TFPI: variants seen among roughly 807,000 people sequenced by gnomAD.
The protein encoded by TFPI is anti-convertin.
Under a neutral mutation model 34.6 loss-of-function variants are expected in TFPI, and 15 were observed. That is an observed-to-expected ratio of 0.43 (90% confidence interval 0.29 to 0.67). The LOEUF is 0.67. Ranked by LOEUF, TFPI falls within the 30% of genes least tolerant of loss-of-function variation. The pLI, the probability that TFPI is intolerant of heterozygous loss-of-function variation, is 0.15. For missense variants in TFPI, 301 were observed against 364.0 expected, an observed-to-expected ratio of 0.83 and a Z score of 1.41; for synonymous variants, 105 against 120.1, an observed-to-expected ratio of 0.87 and a Z score of 0.82.
rs1691805044 is a variant in TFPI, at chr2:187,467,937, A to G, written c.629-5T>C. ...ACCATGAGGGACCGTGAAATTCTAAAAACAATCAGGAAAACATGGTAAGCC... is the reference window on the plus strand; with the variant it reads ...ACCATGAGGGACCGTGAAATTCTAAGAACAATCAGGAAAACATGGTAAGCC... On this transcript the variant is annotated splice_polypyrimidine_tract_variant and splice_region_variant and intron_variant, in intron 6 of 7. Transcript: ENST00000233156. The G allele has an allele frequency of 1.3e-6, 2 of 1,564,326 alleles. No individual in the cohort carries two copies. The highest frequency in any genetic ancestry group is 2.7e-5 in the African/African-American group (2 of 73,304).
chr2:187,478,446 G>GA (rs1005132388), intron 6 of TFPI: 8 of 422,834 alleles, frequency 1.9e-5, no homozygotes, highest in African/African-American at 6.2e-5. Flanking sequence ...TAAAAATCAG[G>GA]AAAAAAATGA....
intron 2 of TFPI, among the ~76,000 whole-genome samples, chr2:187,498,247 C>T (rs2041778): frequency 0.54 from 81,593 of 151,518 alleles, 23,609 homozygotes; most frequent in East Asian, 0.79. Context: ...ATGATTGTCT[C>T]AAAAGAAATC....
intron 6 of TFPI, among the ~76,000 whole-genome samples, chr2:187,479,285 C>T (rs1449108986): frequency 5.3e-5 from 8 of 151,662 alleles, no homozygotes; most frequent in Non-Finnish European, 1.0e-4. Context: ...ACCACATGAT[C>T]GATGACTAGA....
At chr2:187,552,740 A>G (rs1200314160) in intron 1 of TFPI, among the ~76,000 whole-genome samples, 5 of 152,120 alleles carry the variant, frequency 3.3e-5, no homozygotes, top group African/African-American at 4.8e-5. Context: ...TGTCCAATTC[A>G]GTATACCTAA....
At chr2:187,505,375 C>A (rs1686137907) in intron 1 of TFPI, among the ~76,000 whole-genome samples, 1 of 152,062 alleles carries the variant, frequency 6.6e-6, no homozygotes, top group Non-Finnish European at 1.5e-5. Context: ...GGATTAGAAA[C>A]CAGCTCTGAC....
At chr2:187,505,875 C>T (rs1198774421) in intron 1 of TFPI, among the ~76,000 whole-genome samples, 1 of 151,898 alleles carries the variant, frequency 6.6e-6, no homozygotes, top group Non-Finnish European at 1.5e-5. Context: ...GTGTAACTCC[C>T]AGAAGGAGGA....
At chr2:187,498,642 A>G (rs1172128529) in intron 2 of TFPI, among the ~76,000 whole-genome samples, 1 of 151,918 alleles carries the variant, frequency 6.6e-6, no homozygotes, top group East Asian at 1.9e-4. Context: ...ATTTTTAAAA[A>G]TACTAGTTAA....
chr2:187,533,532 G>T (rs1046426237), intron 1 of TFPI, among the ~76,000 whole-genome samples: 9 of 152,088 alleles, frequency 5.9e-5, no homozygotes, highest in African/African-American at 1.9e-4. Flanking sequence ...TCAACAAAGA[G>T]GACATCCACA....
At chr2:187,524,579 T>G (rs535647993) in intron 1 of TFPI, among the ~76,000 whole-genome samples, 1 of 152,116 alleles carries the variant, frequency 6.6e-6, no homozygotes, top group African/African-American at 2.4e-5. Flanking sequence ...TAGAATAAAC[T>G]TTGTGAGTTA....
At chr2:187,506,095 T>G (rs971260975) in intron 1 of TFPI, among the ~76,000 whole-genome samples, 1 of 152,118 alleles carries the variant, frequency 6.6e-6, no homozygotes, top group Admixed American at 6.6e-5. Flanking sequence ...TTCTGGGTGA[T>G]AACAGATTTA....
chr2:187,542,705 A>G (rs1217192382), intron 1 of TFPI, among the ~76,000 whole-genome samples: 1 of 151,958 alleles, frequency 6.6e-6, no homozygotes, highest in Non-Finnish European at 1.5e-5. Context: ...TCTCTCTACT[A>G]AAAATACAAG....
Position 187,496,834 on chromosome 2 carries a change from C to T in TFPI, c.319+47G>A, listed in dbSNP as rs376840118. 9 of 1,526,852 alleles carry T rather than the reference C, an allele frequency of 5.9e-6. No homozygotes were observed. The African/African-American group carries it at 1.2e-4, about 21-fold the overall frequency. The allele number at this position is 1,526,852 out of a possible 1,614,324, so 94.6% of individuals were successfully genotyped here. On this transcript the variant is annotated intron_variant, in intron 3 of 7. Coordinates refer to ENST00000233156, the MANE Select transcript of TFPI (RefSeq NM_006287.6). Reference sequence around the variant, plus strand: ...AAATTATCAAATCCATAATTAGACTCAATAGCCCTAAAGGGTCTTGAGTAA... The same window carrying T: ...AAATTATCAAATCCATAATTAGACTTAATAGCCCTAAAGGGTCTTGAGTAA...
At chr2:187,483,402 G>C (rs1441357040) in intron 6 of TFPI, among the ~76,000 whole-genome samples, 1 of 151,848 alleles carries the variant, frequency 6.6e-6, no homozygotes, top group South Asian at 2.1e-4. Flanking sequence ...TTCAATATCT[G>C]AATAAGAATA....
At position 187,466,932 on chromosome 2, in the gene TFPI, A is replaced by T; in HGVS notation, c.*4T>A. 1.4e-6 allele frequency: 2 copies of T among 1,442,096 alleles called. No homozygotes were observed. The highest frequency in any genetic ancestry group is 1.9e-6 in the Non-Finnish European group (2 of 1,038,196). 89.3% of individuals were successfully genotyped at this position (1,442,096 alleles called of 1,614,324 possible). A position where few individuals can be genotyped will look rare whatever the true frequency, so the allele number is the denominator to read the frequency against. On this transcript the variant is annotated 3_prime_UTR_variant, in exon 8 of 8. Coordinates refer to ENST00000233156, the MANE Select transcript of TFPI (RefSeq NM_006287.6). ...AGAATTAATGTTACATTGCTATAACAAATTCACATATTTTTAACAAAAATT... is the reference window on the plus strand; with the variant it reads ...AGAATTAATGTTACATTGCTATAACTAATTCACATATTTTTAACAAAAATT...
intron 1 of TFPI, among the ~76,000 whole-genome samples, chr2:187,535,829 C>A (rs1022679330): frequency 5.3e-5 from 8 of 152,170 alleles, no homozygotes; most frequent in Middle Eastern, 6.8e-3. Context: ...AATAGACAGA[C>A]CGTTAACCAG....
intron 1 of TFPI, chr2:187,517,226 A>T (rs1452213684): frequency 6.6e-6 from 1 of 152,136 alleles, no homozygotes; most frequent in Non-Finnish European, 1.5e-5. Context: ...AGTTCTTTAA[A>T]TTGTGGTATT....
intron 1 of TFPI, among the ~76,000 whole-genome samples, chr2:187,510,003 C>A (rs996850114): frequency 1.3e-5 from 2 of 152,172 alleles, no homozygotes; most frequent in Non-Finnish European, 2.9e-5. Flanking sequence ...CTGTAAATCA[C>A]CCCTCCCATT....
chr2:187,478,966 A>G (rs559544463), intron 6 of TFPI, among the ~76,000 whole-genome samples: 110 of 152,264 alleles, frequency 7.2e-4, no homozygotes, highest in African/African-American at 2.6e-3. Flanking sequence ...CAAACACAAT[A>G]TCTAATAGTA....
intron 1 of TFPI, among the ~76,000 whole-genome samples, chr2:187,542,339 G>A (rs942276257): frequency 1.3e-4 from 19 of 151,772 alleles, no homozygotes; most frequent in Non-Finnish European, 2.4e-4. Flanking sequence ...GTGTGTTTGT[G>A]TGTGTGTGTG....
Sources: allele counts gnomAD v4.1 joint callset (sites outside exome capture counted in the v4.1 genomes callset), GRCh38; gene constraint gnomAD v4.1.1; transcripts MANE v1.5; gene names NCBI Gene and HGNC (gene_info 2026-07-23, HGNC 2026-07-21).